The following GRID2 variants were observed in gnomAD, a reference collection of about 807,000 sequenced individuals.
The protein encoded by GRID2 is glutamate ionotropic receptor delta type subunit 2.
GRID2 carries 33 observed loss-of-function variants against 114.8 expected under a neutral mutation model. The observed-to-expected ratio is 0.29, with a 90% CI of 0.22 to 0.38. GRID2 has a LOEUF of 0.38. GRID2 is among the 10% of genes least tolerant of loss of function. The probability of loss-of-function intolerance (pLI) is 1.00; values close to 1 mark genes in which losing one functional copy is unlikely to be tolerated. For missense variants in GRID2, 1,184 were observed against 1,257.7 expected (o/e 0.94, Z 0.89); for synonymous variants, 505 against 449.9 (o/e 1.12, Z -1.55).
At chr4:93,352,611 A>G (rs1560529720) in intron 8 of GRID2, among the ~76,000 whole-genome samples, 1 of 152,066 alleles carries the variant, frequency 6.6e-6, no homozygotes, top group Non-Finnish European at 1.5e-5. Flanking sequence ...GTCTGGCTCC[A>G]AAGTCCTACA....
intron 1 of GRID2, among the ~76,000 whole-genome samples, chr4:92,461,319 T>A (rs1282143874): frequency 6.6e-6 from 1 of 151,900 alleles, no homozygotes; most frequent in Non-Finnish European, 1.5e-5. Context: ...TTGAATAACA[T>A]CATTTTGCTC....
At chr4:93,659,615 G>T (rs1723309059) in intron 14 of GRID2, among the ~76,000 whole-genome samples, 2 of 152,124 alleles carry the variant, frequency 1.3e-5, no homozygotes, top group South Asian at 4.1e-4. Flanking sequence ...TTTGCATTCT[G>T]CCATAAATTT....
intron 14 of GRID2, among the ~76,000 whole-genome samples, chr4:93,765,610 ATATATATATAT>A (rs1560987481): frequency 1.7e-4 from 24 of 143,968 alleles, no homozygotes; most frequent in Admixed American, 1.6e-3. Context: ...GTGAGGTATT[ATATATATATAT>A]ATATATATAT....
chr4:93,161,760 T>C (rs186098709), intron 4 of GRID2, among the ~76,000 whole-genome samples: 11 of 151,952 alleles, frequency 7.2e-5, no homozygotes, highest in Admixed American at 7.2e-4. Flanking sequence ...ATTTTTAATA[T>C]AGCAAAATTC....
At chr4:93,446,893 T>A (rs2149399328) in intron 10 of GRID2, among the ~76,000 whole-genome samples, 1 of 151,492 alleles carries the variant, frequency 6.6e-6, no homozygotes, top group African/African-American at 2.4e-5. Context: ...TAATATATAT[T>A]TTATATAAAT....
At position 93,626,442 on chromosome 4, in the gene GRID2, T is replaced by G; in HGVS notation, c.2360+7T>G. On this transcript the variant is annotated splice_region_variant and intron_variant, in intron 14 of 15. Coordinates refer to ENST00000282020, the MANE Select transcript of GRID2 (RefSeq NM_001510.4). ...GAGATGTTTTTTCACAAAGGTAAGA[T>G]TTGTGTATGACCAAATAAGGGGAGA... is the stretch of plus-strand genomic sequence containing the variant. The G allele has an allele frequency of 6.3e-7, 1 of 1,585,592 alleles. No homozygotes were observed. The highest frequency in any genetic ancestry group is 1.1e-5 in the South Asian group (1 of 88,638).
intron 13 of GRID2, among the ~76,000 whole-genome samples, chr4:93,589,791 C>T (rs902082237): frequency 8.4e-4 from 128 of 152,186 alleles, no homozygotes; most frequent in African/African-American, 3.0e-3. Context: ...ATTTGCATTT[C>T]TCTGATGGCC....
In GRID2 at chr4:92,736,484, TAA is replaced by T. The variant is rs1037504213; in HGVS notation, c.244+146200_244+146201del. On this transcript the variant is annotated intron_variant, in intron 2 of 15. Coordinates refer to ENST00000282020, the MANE Select transcript of GRID2 (RefSeq NM_001510.4). ...GAAAATCGTACAGTTCTAAAAAAGA[TAA>T]AGAGCAGCAATTCCCAAAAGGATAT... Among the ~76,000 whole-genome samples, 17 of 152,228 alleles carry T rather than the reference TAA, an allele frequency of 1.1e-4. No homozygotes were observed. The South Asian group carries it at 1.7e-3, about 15-fold the overall frequency.
intron 14 of GRID2, among the ~76,000 whole-genome samples, chr4:93,688,826 G>A (rs1037242028): frequency 1.3e-5 from 2 of 151,996 alleles, no homozygotes; most frequent in Non-Finnish European, 2.9e-5. Flanking sequence ...TGATCTTATA[G>A]CAAGTTAGAA....
At chr4:92,638,804 T>A (rs1720120540) in intron 2 of GRID2, among the ~76,000 whole-genome samples, 1 of 151,084 alleles carries the variant, frequency 6.6e-6, no homozygotes. Flanking sequence ...ATATTTGTCT[T>A]TGAAAATTTA....
intron 13 of GRID2, among the ~76,000 whole-genome samples, chr4:93,564,106 T>C (rs893080475): frequency 3.3e-5 from 5 of 151,906 alleles, no homozygotes; most frequent in Non-Finnish European, 7.4e-5. Context: ...CTTTCAGAAA[T>C]TAATAAAAAA....
chr4:92,773,883 T>C (rs1392525416), intron 2 of GRID2, among the ~76,000 whole-genome samples: 2 of 152,106 alleles, frequency 1.3e-5, no homozygotes, highest in Admixed American at 1.3e-4. Context: ...TTTGCACATT[T>C]AGTTGTACAA....
chr4:93,777,106 C>T (rs1384926326), downstream of GRID2, among the ~76,000 whole-genome samples: 1 of 152,140 alleles, frequency 6.6e-6, no homozygotes, highest in Non-Finnish European at 1.5e-5. Context: ...CTTCAGGCTG[C>T]CCACCATGAT....
intron 1 of GRID2, among the ~76,000 whole-genome samples, chr4:92,434,153 C>T (rs1219326870): frequency 2.6e-5 from 4 of 152,130 alleles, no homozygotes; most frequent in South Asian, 2.1e-4. Flanking sequence ...AGCGGCTATT[C>T]CAGACACTGT....
intron 1 of GRID2, among the ~76,000 whole-genome samples, chr4:92,312,602 C>T (rs185453228): frequency 4.0e-5 from 6 of 151,034 alleles, no homozygotes; most frequent in Admixed American, 2.0e-4. Flanking sequence ...GTTTAGGGTA[C>T]AAATCAAAAT....
chr4:92,599,198 T>A (rs553249373), intron 2 of GRID2, among the ~76,000 whole-genome samples: 14 of 152,186 alleles, frequency 9.2e-5, no homozygotes, highest in African/African-American at 2.9e-4. Flanking sequence ...AAATACCTTG[T>A]TACCATTTCT....
rs889841487 is a variant in GRID2 at position 92,590,047 on chromosome 4, C to A, written c.89-84C>A. 5.6e-6 allele frequency: 5 copies of A among 891,704 alleles called. No homozygotes were observed. The Admixed American group carries it at 8.4e-5, about 15-fold the overall frequency. The allele number at this position is 891,704 out of a possible 1,614,324, so 55.2% of individuals were successfully genotyped here. A position where few individuals can be genotyped will look rare whatever the true frequency, so the allele number is the denominator to read the frequency against. The stretch of plus-strand genomic sequence containing the variant: ...TAAGTGAAAGTATATGTTTTTTAAA[C>A]ACATAAGTCTCCTTGTCATATTTCC... On this transcript the variant is annotated intron_variant, in intron 1 of 15. Coordinates refer to ENST00000282020, the MANE Select transcript of GRID2 (RefSeq NM_001510.4).
At chr4:92,629,891 A>G (rs535685073) in intron 2 of GRID2, among the ~76,000 whole-genome samples, 1 of 147,656 alleles carries the variant, frequency 6.8e-6, no homozygotes, top group African/African-American at 2.4e-5. Flanking sequence ...ATTATATTAT[A>G]TAATACATAT....
At chr4:92,680,336 G>T (rs1733589987) in intron 2 of GRID2, among the ~76,000 whole-genome samples, 1 of 152,060 alleles carries the variant, frequency 6.6e-6, no homozygotes, top group Non-Finnish European at 1.5e-5. Flanking sequence ...TTTAATAAGT[G>T]TACATTCAGA....
Sources: gnomAD v4.1 joint callset for allele counts (sites outside exome capture counted in the v4.1 genomes callset) on GRCh38, gnomAD v4.1.1 for gene constraint, MANE v1.5 for transcripts, NCBI Gene and HGNC (gene_info 2026-07-23, HGNC 2026-07-21) for gene names.